The following ATXN1 variants were observed in gnomAD, a reference collection of about 807,000 sequenced individuals.
ATXN1 encodes the protein ataxin 1.
ATXN1 carries 8 observed loss-of-function variants against 56.4 expected under a neutral mutation model. That is an observed-to-expected ratio of 0.14 (90% CI 0.08 to 0.26). The LOEUF (loss-of-function observed/expected upper bound fraction) is 0.26, where lower values mean the gene tolerates loss of function less well. Among genes scored for constraint, ATXN1 ranks in the 10% least tolerant of loss-of-function variants. ATXN1 has a pLI of 1.00. For synonymous variants in ATXN1, 514 were observed against 494.6 expected (o/e 1.04, Z -0.52); for missense variants, 987 against 1,106.5 (o/e 0.89, Z 1.53).
At chr6:16,366,552 A>T (rs1398875178) in intron 6 of ATXN1, among the ~76,000 whole-genome samples, 1 of 152,132 alleles carries the variant, frequency 6.6e-6, no homozygotes, top group Non-Finnish European at 1.5e-5. Context: ...AGGCCGAGGC[A>T]GGTGGATCAC....
chr6:16,426,077 G>T (rs746507786), intron 6 of ATXN1, among the ~76,000 whole-genome samples: 2 of 152,138 alleles, frequency 1.3e-5, no homozygotes, highest in Non-Finnish European at 2.9e-5. Flanking sequence ...GCTTAGAGAG[G>T]GTGCTAGGCA....
chr6:16,439,070 T>C (rs1759449932), intron 6 of ATXN1, among the ~76,000 whole-genome samples: 1 of 152,016 alleles, frequency 6.6e-6, no homozygotes, highest in Non-Finnish European at 1.5e-5. Context: ...GATCTAAATT[T>C]AAACTGCACA....
At chr6:16,751,986 AG>A (rs1760735913) in intron 2 of ATXN1, among the ~76,000 whole-genome samples, 1 of 152,254 alleles carries the variant, frequency 6.6e-6, no homozygotes. Context: ...GAAAGGACAT[AG>A]GACTACTCAA....
chr6:16,549,932 A>G (rs1761886853), intron 4 of ATXN1, among the ~76,000 whole-genome samples: 1 of 144,034 alleles, frequency 6.9e-6, no homozygotes, highest in Admixed American at 7.0e-5. Context: ...TAGGCATGCC[A>G]TTCTCACTCA....
intron 5 of ATXN1, among the ~76,000 whole-genome samples, chr6:16,492,030 T>C (rs1475060339): frequency 1.3e-5 from 2 of 152,178 alleles, no homozygotes; most frequent in African/African-American, 2.4e-5. Flanking sequence ...AAAAGGACCA[T>C]GAGCTCCAGA....
At chr6:16,670,756 AT>A (rs1161294540) in intron 2 of ATXN1, among the ~76,000 whole-genome samples, 4 of 152,218 alleles carry the variant, frequency 2.6e-5, no homozygotes, top group African/African-American at 9.6e-5. Context: ...AGAAAATAAA[AT>A]GATTTTGGAT....
At chr6:16,678,951 G>A (rs941894587) in intron 2 of ATXN1, among the ~76,000 whole-genome samples, 14 of 151,886 alleles carry the variant, frequency 9.2e-5, no homozygotes, top group African/African-American at 2.4e-4. Flanking sequence ...CAGTAGAATC[G>A]CTTGAACTCG....
intron 6 of ATXN1, among the ~76,000 whole-genome samples, chr6:16,426,710 G>A (rs1220111573): frequency 6.6e-6 from 1 of 151,864 alleles, no homozygotes. Context: ...TAACCAAGCA[G>A]CCCCCATTTG....
chr6:16,493,450 T>TG (rs1243637483), intron 5 of ATXN1, among the ~76,000 whole-genome samples: 1 of 150,306 alleles, frequency 6.7e-6, no homozygotes, highest in Non-Finnish European at 1.5e-5. Context: ...TCAGAAGTTT[T>TG]TTTTTTTTTT....
chr6:16,321,248 G>A (rs1172604729), intron 7 of ATXN1, among the ~76,000 whole-genome samples: 3 of 152,166 alleles, frequency 2.0e-5, no homozygotes, highest in East Asian at 3.8e-4. Flanking sequence ...CTATCGCCTC[G>A]GGGGTCGCAT....
At chr6:16,759,858 CG>C (rs1761014911) in intron 1 of ATXN1, among the ~76,000 whole-genome samples, 1 of 152,094 alleles carries the variant, frequency 6.6e-6, no homozygotes. Flanking sequence ...GCACAAGCCA[CG>C]GAGTTTAAGA....
At chr6:16,751,985 T>A (rs184349491) in intron 2 of ATXN1, among the ~76,000 whole-genome samples, 1 of 152,232 alleles carries the variant, frequency 6.6e-6, no homozygotes, top group Non-Finnish European at 1.5e-5. Flanking sequence ...TGAAAGGACA[T>A]AGGACTACTC....
At chr6:16,629,522 G>T (rs953955551) in intron 3 of ATXN1, among the ~76,000 whole-genome samples, 4 of 151,952 alleles carry the variant, frequency 2.6e-5, no homozygotes, top group Non-Finnish European at 4.4e-5. Flanking sequence ...GTAGAGATGG[G>T]GTTTCACCAT....
At chr6:16,393,612 A>G (rs147313363) in intron 6 of ATXN1, among the ~76,000 whole-genome samples, 227 of 152,368 alleles carry the variant, frequency 1.5e-3, no homozygotes, top group African/African-American at 5.1e-3. Flanking sequence ...CAAATTCATG[A>G]CATATGACCA....
At chr6:16,561,642 A>G (rs766132257) in intron 4 of ATXN1, among the ~76,000 whole-genome samples, 25 of 152,258 alleles carry the variant, frequency 1.6e-4, no homozygotes, top group Non-Finnish European at 2.6e-4. Context: ...CCCATTAAAA[A>G]TGTGGACCAA....
At chr6:16,743,052 A>G (rs926695901) in intron 2 of ATXN1, among the ~76,000 whole-genome samples, 9 of 152,220 alleles carry the variant, frequency 5.9e-5, no homozygotes, top group Non-Finnish European at 8.8e-5. Flanking sequence ...CCTCAAATTC[A>G]TTTATTCATT....
chr6:16,320,839 G>A (rs1760631445), intron 7 of ATXN1, among the ~76,000 whole-genome samples: 1 of 152,224 alleles, frequency 6.6e-6, no homozygotes, highest in Non-Finnish European at 1.5e-5. Flanking sequence ...CAGGAACGGC[G>A]GGAAGGGTGC....
intron 6 of ATXN1, among the ~76,000 whole-genome samples, chr6:16,427,722 C>T (rs1655481413): frequency 6.6e-6 from 1 of 152,166 alleles, no homozygotes; most frequent in Admixed American, 6.5e-5. Context: ...AGATACAACT[C>T]CCAGGCTTTC....
At chr6:16,594,259 G>T (rs1423508728) in intron 3 of ATXN1, among the ~76,000 whole-genome samples, 1 of 150,100 alleles carries the variant, frequency 6.7e-6, no homozygotes, top group East Asian at 2.0e-4. Flanking sequence ...ATACCCATCA[G>T]CATAAGTTTC....
Sources: gnomAD v4.1 joint callset for allele counts (sites outside exome capture counted in the v4.1 genomes callset) on GRCh38, gnomAD v4.1.1 for gene constraint, MANE v1.5 for transcripts, NCBI Gene and HGNC (gene_info 2026-07-23, HGNC 2026-07-21) for gene names.